The following DNAJB9 variants were observed in gnomAD, a reference collection of about 807,000 sequenced individuals.
DNAJB9 encodes the protein DnaJ heat shock protein family (Hsp40) member B9.
DNAJB9 carries 12 observed loss-of-function variants against 19.2 expected under a neutral mutation model. The ratio of observed to expected loss-of-function variants is 0.62; its 90% confidence interval spans 0.40 to 1.01. The LOEUF is 1.01. Among genes scored for constraint, DNAJB9 ranks in the 50% least tolerant of loss-of-function variants. DNAJB9 has a pLI of 0.00. For missense variants in DNAJB9, 272 were observed against 261.1 expected (o/e 1.04, Z -0.29); for synonymous variants, 83 against 84.0 (o/e 0.99, Z 0.07).
chr7:108,574,277 T>C lies in DNAJB9; in HGVS notation c.*924T>C, dbSNP rs1287868615. ...TGTGTGCTTTTGTTTTCGGATAGAC[T>C]TATTTCTTTAGTTCTGCACTTTTCC... On this transcript the variant is annotated 3_prime_UTR_variant, in exon 3 of 3. Coordinates refer to ENST00000249356, the MANE Select transcript of DNAJB9 (RefSeq NM_012328.3). 1 of 152,634 alleles carries C rather than the reference T, an allele frequency of 6.6e-6. No homozygotes were observed. Among genetic ancestry groups the C allele is most frequent in the Non-Finnish European group, 1.5e-5 (1 of 68,038 alleles). 9.5% of individuals were successfully genotyped at this position (152,634 alleles called of 1,614,324 possible).
In DNAJB9 at chr7:108,573,242, G is replaced by A; in HGVS notation, c.561G>A (p.Gln187=). The part of the protein sequence containing the change: ...FSFSGFDSTN[Q]HTVQTENRFH... ...TTAGTGGTTTTGACTCTACCAATCA[G>A]CATACAGTACAGACTGAAAATAGAT... is the stretch of plus-strand genomic sequence containing the variant. Residue 187 remains glutamine (Q), a synonymous_variant, in exon 3 of 3, where the codon CAG becomes CAA. Coordinates refer to ENST00000249356, the MANE Select transcript of DNAJB9 (RefSeq NM_012328.3). The A allele has an allele frequency of 6.2e-7, 1 of 1,613,984 alleles. No individual in the cohort carries two copies. The highest frequency in any genetic ancestry group is 8.5e-7 in the Non-Finnish European group (1 of 1,179,896).
At chr7:108,570,806 C>T (rs1038962042) in intron 1 of DNAJB9, among the ~76,000 whole-genome samples, 1 of 152,120 alleles carries the variant, frequency 6.6e-6, no homozygotes, top group African/African-American at 2.4e-5. Flanking sequence ...TTTCGTCAGC[C>T]TTATTATGGC....
chr7:108,573,346 G>T lies in DNAJB9; in HGVS notation c.665G>T (p.Gly222Val), dbSNP rs201481756. The T allele has an allele frequency of 2.5e-5, 39 of 1,554,726 alleles. No homozygotes were observed. The Admixed American group carries it at 7.1e-4, about 28-fold the overall frequency. ...GTTACTACATACACTGACTGTTCAG[G>T]ACAGTAGTTCTTATTCTATTCTCAC... ...NMVTTYTDCS[G>V]Q Residue 222 changes from glycine to valine, a missense_variant, in exon 3 of 3, where the codon GGA becomes GTA. Gly to Val is a moderately radical substitution (Grantham distance 109). Coordinates refer to ENST00000249356, the MANE Select transcript of DNAJB9 (RefSeq NM_012328.3).
chr7:108,572,143 T>A (rs956433940), intron 2 of DNAJB9, 200 bp downstream of exon 2: 2 of 513,700 alleles, frequency 3.9e-6, no homozygotes, highest in Non-Finnish European at 6.8e-6. Context: ...GAATAATAGA[T>A]AATTTTATTG....
In DNAJB9 at chr7:108,571,845, G is replaced by A. The variant is rs1564014345; in HGVS notation, c.119G>A (p.Arg40His). ...GGTGTGCCAAAATCGGCATCAGAGCGCCAAATCAAGAAGGCCTTTCACAAG... is the reference window on the plus strand; with the variant it reads ...GGTGTGCCAAAATCGGCATCAGAGCACCAAATCAAGAAGGCCTTTCACAAG... ...ILGVPKSASE[R>H]QIKKAFHKLA... The change falls in exon 2 of 3, where the codon CGC (arginine) becomes CAC (histidine). Residue 40 changes from arginine (R) to histidine (H), a missense_variant. Transcript: ENST00000249356. 1.9e-6 allele frequency: 3 copies of A among 1,614,120 alleles called. No homozygotes were observed. The highest frequency in any genetic ancestry group is 1.7e-6 in the Non-Finnish European group (2 of 1,180,014).
chr7:108,572,806 A>G (rs1300412663), intron 2 of DNAJB9, 93 bp from the exon 3 acceptor site: 2 of 987,004 alleles, frequency 2.0e-6, no homozygotes, highest in African/African-American at 1.7e-5. Context: ...CCCTAAAATA[A>G]TAGTATTCAG....
rs1396413588 is a variant in DNAJB9 at position 108,569,983 on chromosome 7, G to C, written c.-131G>C. The C allele has an allele frequency of 4.5e-6, 1 of 223,556 alleles. No individual in the cohort carries two copies. Among genetic ancestry groups the C allele is most frequent in the African/African-American group, 2.3e-5 (1 of 44,364 alleles). The allele number at this position is 223,556 out of a possible 1,614,324, so 13.8% of individuals were successfully genotyped here. The stretch of plus-strand genomic sequence containing the variant: ...AGGTCGGTGTACGACCGAGATTAGG[G>C]TGCGTGCCAGCTCCGGGAGGCCGCG... On this transcript the variant is annotated 5_prime_UTR_variant, in exon 1 of 3. Transcript: ENST00000249356.
chr7:108,573,184 A>C lies in DNAJB9; in HGVS notation c.503A>C (p.Asp168Ala). Residue 168 changes from aspartate to alanine, a missense_variant, in exon 3 of 3, where the codon GAC becomes GCC. Coordinates refer to ENST00000249356, the MANE Select transcript of DNAJB9 (RefSeq NM_012328.3). ...TCTTTTGGAGGTGGATTATTTGATGACATGTTTGAAGATATGGAGAAAATG... is the reference window on the plus strand; with the variant it reads ...TCTTTTGGAGGTGGATTATTTGATGCCATGTTTGAAGATATGGAGAAAATG... ...EFSFGGGLFDDMFEDMEKMFS... is the reference protein window; with the variant it reads ...EFSFGGGLFDAMFEDMEKMFS... 1 of 1,614,062 alleles carries C rather than the reference A, an allele frequency of 6.2e-7. No individual in the cohort carries two copies. The highest frequency in any genetic ancestry group is 8.5e-7 in the Non-Finnish European group (1 of 1,179,944).
In DNAJB9 at chr7:108,573,979, G is replaced by A. The variant is rs1296296589; in HGVS notation, c.*626G>A. The A allele has an allele frequency of 1.3e-5, 2 of 152,584 alleles. No individual in the cohort carries two copies. Among genetic ancestry groups the A allele is most frequent in the South Asian group, 2.1e-4 (1 of 4,822 alleles). 9.5% of individuals were successfully genotyped at this position (152,584 alleles called of 1,614,324 possible). A position where few individuals can be genotyped will look rare whatever the true frequency, so the allele number is the denominator to read the frequency against. ...GCTGGAAAAAAGTTGAAAACTTAAC[G>A]AAATATTGCCAAGAGATTGTTATGT... On this transcript the variant is annotated 3_prime_UTR_variant, in exon 3 of 3. Coordinates refer to ENST00000249356, the MANE Select transcript of DNAJB9 (RefSeq NM_012328.3).
rs2072212 is a variant in DNAJB9, at chr7:108,571,666, C to T, written c.-10-51C>T. ...TGTTGGATTTCTTTTAAAAGAAAAA[C>T]GTTTTAAGATTAGCTCCATCCATAA... On this transcript the variant is annotated intron_variant, in intron 1 of 2. Coordinates refer to ENST00000249356, the MANE Select transcript of DNAJB9 (RefSeq NM_012328.3). 2.0e-5 allele frequency: 30 copies of T among 1,476,262 alleles called. No homozygotes were observed. The East Asian group carries it at 6.6e-4, about 33-fold the overall frequency. 91.4% of individuals were successfully genotyped at this position (1,476,262 alleles called of 1,614,324 possible).
intron 1 of DNAJB9, 140 bp downstream of exon 1, chr7:108,570,243 A>C (rs1416594583): frequency 6.6e-6 from 1 of 152,026 alleles, no homozygotes; most frequent in Non-Finnish European, 1.5e-5. Flanking sequence ...TGGCCGAGAG[A>C]ATGGAAGAAC....
intron 1 of DNAJB9, among the ~76,000 whole-genome samples, chr7:108,570,897 A>C (rs1351312385): frequency 6.6e-6 from 1 of 152,226 alleles, no homozygotes; most frequent in Non-Finnish European, 1.5e-5. Context: ...CAAGTCATTG[A>C]ATACATATTG....
chr7:108,573,553 T>C lies in DNAJB9; in HGVS notation c.*200T>C. On this transcript the variant is annotated 3_prime_UTR_variant, in exon 3 of 3. Coordinates refer to ENST00000249356, the MANE Select transcript of DNAJB9 (RefSeq NM_012328.3). ...GTAGACAAAATGCTAATTATTTCCC[T>C]GATTAGGAAAGTTTCTTTAAAAAAC... 4.9e-6 allele frequency: 2 copies of C among 404,748 alleles called. No homozygotes were observed. Among genetic ancestry groups the C allele is most frequent in the East Asian group, 7.4e-5 (2 of 26,922 alleles). 25.1% of individuals were successfully genotyped at this position (404,748 alleles called of 1,614,324 possible).
chr7:108,572,981 A>G lies in DNAJB9; in HGVS notation c.300A>G (p.Gln100=). ...GHSAFTSGKG[Q]RGSGSSFEQS... ...GTGCTTTTACTAGTGGTAAAGGACA[A>G]AGAGGTAGTGGAAGTTCTTTTGAGC... The change falls in exon 3 of 3, where the codon CAA becomes CAG. Residue 100 remains glutamine (Q), a synonymous_variant. Coordinates refer to ENST00000249356, the MANE Select transcript of DNAJB9 (RefSeq NM_012328.3). 1 of 1,614,104 alleles carries G rather than the reference A, an allele frequency of 6.2e-7. No individual in the cohort carries two copies. The highest frequency in any genetic ancestry group is 8.5e-7 in the Non-Finnish European group (1 of 1,179,950).
intron 2 of DNAJB9, among the ~76,000 whole-genome samples, chr7:108,572,460 T>A (rs1410270835): frequency 6.6e-6 from 1 of 152,192 alleles, no homozygotes; most frequent in East Asian, 1.9e-4. Context: ...TGGATGGAGG[T>A]AACTGAGTAG....
chr7:108,571,298 T>A (rs965141159), intron 1 of DNAJB9, among the ~76,000 whole-genome samples: 1 of 150,996 alleles, frequency 6.6e-6, no homozygotes, highest in Non-Finnish European at 1.5e-5. Context: ...CTTTTTTTTT[T>A]AATGTTTTTT....
At position 108,571,927 on chromosome 7, in the gene DNAJB9, C is replaced by A; in HGVS notation, c.201C>A (p.Phe67Leu). 1 of 1,614,060 alleles carries A rather than the reference C, an allele frequency of 6.2e-7. No homozygotes were observed. Among genetic ancestry groups the A allele is most frequent in the South Asian group, 1.1e-5 (1 of 91,068 alleles). Residue 67 changes from phenylalanine (F) to leucine (L), a missense_variant, in exon 2 of 3, where the codon TTC becomes TTA. By Grantham distance (22) the Phe-to-Leu change is conservative (BLOSUM62 0). Coordinates refer to ENST00000249356, the MANE Select transcript of DNAJB9 (RefSeq NM_012328.3). ...AGAGCCCGGATGCTGAAGCAAAATT[C>A]AGAGAGATTGCAGAAGGTAAATAAA... ...KNKSPDAEAKFREIAEAYETL... is the reference protein window; with the variant it reads ...KNKSPDAEAKLREIAEAYETL...
Position 108,574,408 on chromosome 7 carries a change from G to A in DNAJB9, c.*1055G>A, listed in dbSNP as rs538024556. The A allele has an allele frequency of 5.2e-5, 8 of 152,492 alleles. No homozygotes were observed. Among genetic ancestry groups the A allele is most frequent in the Middle Eastern group, 3.4e-3 (1 of 294 alleles). 9.4% of individuals were successfully genotyped at this position (152,492 alleles called of 1,614,324 possible). ...TATAAATATTTACAACCTGATATTC[G>A]TTGTTGTTTTATTGTTAAAAGTTTA... On this transcript the variant is annotated 3_prime_UTR_variant, in exon 3 of 3. Transcript: ENST00000249356.
chr7:108,573,455 C>A lies in DNAJB9; in HGVS notation c.*102C>A. 2.4e-6 allele frequency: 2 copies of A among 839,608 alleles called. No homozygotes were observed. Among genetic ancestry groups the A allele is most frequent in the Non-Finnish European group, 1.7e-6 (1 of 597,998 alleles). The allele number at this position is 839,608 out of a possible 1,614,324, so 52.0% of individuals were successfully genotyped here. On this transcript the variant is annotated 3_prime_UTR_variant, in exon 3 of 3. Transcript: ENST00000249356. Reference sequence around the variant, plus strand: ...CTATTTTGACAAGTGCATGATTTCACTTTAAACAATTTGATATAGCTATTA... The same window carrying A: ...CTATTTTGACAAGTGCATGATTTCAATTTAAACAATTTGATATAGCTATTA...
Sources: allele counts gnomAD v4.1 joint callset (sites outside exome capture counted in the v4.1 genomes callset), GRCh38; gene constraint gnomAD v4.1.1; transcripts MANE v1.5; gene names NCBI Gene and HGNC (gene_info 2026-07-23, HGNC 2026-07-21).